SRL: variants seen among roughly 807,000 people sequenced by gnomAD.
SRL encodes the protein sarcalumenin.
SRL carries 23 observed loss-of-function variants against 39.5 expected under a neutral mutation model. The ratio of observed to expected loss-of-function variants is 0.58; its 90% CI spans 0.42 to 0.82. SRL has a LOEUF of 0.82. Ranked by LOEUF, SRL falls within the 40% of genes least tolerant of loss-of-function variation. SRL has a pLI of 0.00. For synonymous variants in SRL, 272 were observed against 237.4 expected (o/e 1.15, Z -1.34); for missense variants, 592 against 607.8 (o/e 0.97, Z 0.27).
At chr16:4,196,732 G>A (rs2052151536) in intron 4 of SRL, among the ~76,000 whole-genome samples, 2 of 152,088 alleles carry the variant, frequency 1.3e-5, no homozygotes, top group Admixed American at 1.3e-4. Context: ...ACCCACCTCG[G>A]CCTCCCAAAG....
rs2052262395 is a variant in SRL, at chr16:4,203,242, C to G, written c.183G>C (p.Arg61=). 1 of 1,614,004 alleles carries G rather than the reference C, an allele frequency of 6.2e-7. No individual in the cohort carries two copies. Among genetic ancestry groups the G allele is most frequent in the African/African-American group, 1.3e-5 (1 of 74,946 alleles). ...GCTTGATGGATGAGTGGTAGATCTT[C>G]CGAAGCCGCTGCAGCACCGCTGGAG... ...DDYSAVLQRL[R]KIYHSSIKPL... Residue 61 remains arginine (R), a synonymous_variant, in exon 3 of 6, where the codon CGG becomes CGC. Transcript: ENST00000399609.
intron 1 of SRL, 87 bp from the exon 2 acceptor site, chr16:4,204,721 CTCA>C: frequency 8.4e-7 from 1 of 1,196,964 alleles, no homozygotes; most frequent in Non-Finnish European, 1.2e-6. Flanking sequence ...AGGGCTGGGC[CTCA>C]AGCAGGGGCT....
chr16:4,219,753 G>A (rs1044184382), intron 1 of SRL, among the ~76,000 whole-genome samples: 10 of 152,130 alleles, frequency 6.6e-5, no homozygotes, highest in Admixed American at 2.0e-4. Flanking sequence ...GAGCCACCAC[G>A]CCTGGCCTGT....
At chr16:4,223,350 A>G (rs1309372916) in intron 1 of SRL, among the ~76,000 whole-genome samples, 2 of 151,246 alleles carry the variant, frequency 1.3e-5, no homozygotes, top group Non-Finnish European at 2.9e-5. Context: ...TCCAGAACAA[A>G]GGAGTGGGCA....
Position 4,190,818 on chromosome 16 carries a change from T to C in SRL, c.*1335A>G, listed in dbSNP as rs568323989. The C allele has an allele frequency of 9.6e-5, 21 of 218,998 alleles. No homozygotes were observed. The highest frequency in any genetic ancestry group is 3.5e-4 in the Admixed American group (6 of 17,056). The allele number at this position is 218,998 out of a possible 1,614,324, so 13.6% of individuals were successfully genotyped here. ...CCTAGGAAATTGCTCCAAGTAAGTG[T>C]TGATGCATCAGGGAATGGAGAAGAA... On this transcript the variant is annotated 3_prime_UTR_variant, in exon 6 of 6. Transcript: ENST00000399609.
At chr16:4,221,144 G>T (rs1186002463) in intron 1 of SRL, among the ~76,000 whole-genome samples, 1 of 151,296 alleles carries the variant, frequency 6.6e-6, no homozygotes, top group Non-Finnish European at 1.5e-5. Context: ...TGCCTCCTGG[G>T]TTCAAGTGAT....
At chr16:4,203,884 ACCCTGG>A (rs2052274796) in intron 2 of SRL, among the ~76,000 whole-genome samples, 1 of 152,080 alleles carries the variant, frequency 6.6e-6, no homozygotes, top group Non-Finnish European at 1.5e-5. Flanking sequence ...GCAGAACAGC[ACCCTGG>A]CCCTGGCGTT....
At chr16:4,193,374 A>T (rs981450943) in intron 5 of SRL, among the ~76,000 whole-genome samples, 1 of 152,222 alleles carries the variant, frequency 6.6e-6, no homozygotes, top group African/African-American at 2.4e-5. Context: ...AGTTTCCAAG[A>T]AAGCTAAATA....
At position 4,192,767 on chromosome 16, in the gene SRL, C is replaced by T. The variant is rs769850134; in HGVS notation, c.808G>A (p.Gly270Arg). 6 of 1,614,160 alleles carry T rather than the reference C, an allele frequency of 3.7e-6. No homozygotes were observed. Among genetic ancestry groups the T allele is most frequent in the Non-Finnish European group, 5.1e-6 (6 of 1,180,048 alleles). Residue 270 changes from glycine (G) to arginine (R), a missense_variant, in exon 6 of 6, where the codon GGG becomes AGG. By Grantham distance (125) the Gly-to-Arg change is moderately radical. Transcript: ENST00000399609. The surrounding 1 kb of genome is among the most constrained non-coding windows in gnomAD (Gnocchi z 4.0). ...LATQMLMRVY[G>R]ALFWSLAPLI... ...GGGGCCAAGCTCCAGAAGAGGGCCC[C>T]GTAAACCCGCATGAGCATTTGGGTG...
At chr16:4,200,915 A>T (rs1419617033) in intron 3 of SRL, among the ~76,000 whole-genome samples, 1 of 152,152 alleles carries the variant, frequency 6.6e-6, no homozygotes, top group African/African-American at 2.4e-5. Context: ...GAAACAGCCC[A>T]ATTAACACAG....
chr16:4,223,231 C>CAAA (rs34513855), intron 1 of SRL, among the ~76,000 whole-genome samples: 1 of 96,158 alleles, frequency 1.0e-5, no homozygotes, highest in Non-Finnish European at 2.2e-5. Context: ...AACTCTGTCT[C>CAAA]AAAAAAAAAA....
chr16:4,192,021 C>T lies in SRL; in HGVS notation c.*132G>A. 9.6e-7 allele frequency: 1 copy of T among 1,041,924 alleles called. No individual in the cohort carries two copies. Among genetic ancestry groups the T allele is most frequent in the East Asian group, 2.4e-5 (1 of 41,538 alleles). The allele number at this position is 1,041,924 out of a possible 1,614,324, so 64.5% of individuals were successfully genotyped here. ...ACACACCTGCCCCGACCCCTGGCCT[C>T]AATGAACTCCCAACTCTCCACTGTG... On this transcript the variant is annotated 3_prime_UTR_variant, in exon 6 of 6. Transcript: ENST00000399609. The surrounding 1 kb of genome is among the most constrained non-coding windows in gnomAD (Gnocchi z 4.0).
intron 1 of SRL, among the ~76,000 whole-genome samples, chr16:4,208,947 G>A (rs1394044959): frequency 6.6e-6 from 1 of 152,164 alleles, no homozygotes; most frequent in Admixed American, 6.5e-5. Context: ...AGAGACCTCT[G>A]TCAAGGATCA....
At chr16:4,195,861 G>T in intron 4 of SRL, 75 bp from the exon 5 acceptor site, 3 of 1,276,154 alleles carry the variant, frequency 2.4e-6, no homozygotes, top group Non-Finnish European at 3.3e-6. Flanking sequence ...ATGTGTATAT[G>T]CCTGGTGTCA....
chr16:4,224,946 C>T (rs73497164), intron 1 of SRL, among the ~76,000 whole-genome samples: 1,614 of 152,258 alleles, frequency 0.011, 27 homozygotes, highest in African/African-American at 0.036. Context: ...TGCTACAACA[C>T]GGCTGAACCT....
rs775242809 is a variant in SRL at position 4,192,214 on chromosome 16, G to C, written c.1361C>G (p.Ala454Gly). 6.2e-7 allele frequency: 1 copy of C among 1,601,420 alleles called. No homozygotes were observed. The highest frequency in any genetic ancestry group is 8.5e-7 in the Non-Finnish European group (1 of 1,175,114). ...ACACCCTGTTTTGTCACAGTTGAGA[G>C]CACCTGGATTCTTCCCGAGCCCGAG... ...GSLGLGKNPG[A>G]LNCDKTGCSE... Residue 454 changes from alanine to glycine, a missense_variant, in exon 6 of 6, where the codon GCT becomes GGT. Transcript: ENST00000399609. The surrounding 1 kb of genome is among the most constrained non-coding windows in gnomAD (Gnocchi z 4.0).
intron 3 of SRL, among the ~76,000 whole-genome samples, chr16:4,200,520 G>A (rs1302052316): frequency 3.3e-5 from 5 of 152,218 alleles, no homozygotes; most frequent in Non-Finnish European, 7.3e-5. Flanking sequence ...GAGTGCAGGG[G>A]CAAGGAAGCG....
intron 1 of SRL, among the ~76,000 whole-genome samples, chr16:4,226,042 G>A (rs961246716): frequency 7.9e-5 from 12 of 152,178 alleles, no homozygotes; most frequent in East Asian, 1.9e-4. Context: ...CCAGACAACC[G>A]TCTGTCTGAC....
At chr16:4,228,591 C>T (rs1261456407) in intron 1 of SRL, among the ~76,000 whole-genome samples, 2 of 151,368 alleles carry the variant, frequency 1.3e-5, no homozygotes, top group Non-Finnish European at 2.9e-5. Context: ...AAAAATTAGT[C>T]AGGCGTGGTG....
Sources: allele counts gnomAD v4.1 joint callset (sites outside exome capture counted in the v4.1 genomes callset), GRCh38; gene constraint gnomAD v4.1.1; non-coding constraint Gnocchi (gnomAD v3.1); transcripts MANE v1.5; gene names NCBI Gene and HGNC (gene_info 2026-07-23, HGNC 2026-07-21).